Variants in RAB38 observed in about 807,000 individuals in gnomAD.
RAB38 encodes ras-related protein Rab-38.
In RAB38, 15 loss-of-function variants were observed where a neutral mutation model predicts 18.4. The ratio of observed to expected loss-of-function variants is 0.82; its 90% CI spans 0.55 to 1.26. RAB38 has a LOEUF of 1.26. RAB38 is among the 50% of genes most tolerant of loss of function. RAB38 has a pLI of 0.00. For synonymous variants in RAB38, 101 were observed against 104.4 expected (o/e 0.97, Z 0.20); for missense variants, 294 against 267.4 (o/e 1.10, Z -0.69).
At chr11:87,833,933 G>T in the RAB38 span, among the ~76,000 whole-genome samples, 2 of 152,282 alleles carry the variant, frequency 1.3e-5, no homozygotes, top group Admixed American at 6.5e-5. Context: ...TTACTCAGCT[G>T]GCTTTAAGGA....
the RAB38 span, among the ~76,000 whole-genome samples, chr11:87,819,738 A>ATG: frequency 3.3e-3 from 419 of 125,808 alleles, 3 homozygotes; most frequent in African/African-American, 0.013. Flanking sequence ...ATATATGTGT[A>ATG]TATATATATA....
the RAB38 span, among the ~76,000 whole-genome samples, chr11:88,042,268 T>C: frequency 6.6e-6 from 1 of 152,122 alleles, no homozygotes; most frequent in Non-Finnish European, 1.5e-5. Context: ...AGCCCCCACC[T>C]CTCATTTGCT....
chr11:88,099,998 T>C, the RAB38 span: 5 of 151,884 alleles, frequency 3.3e-5, no homozygotes, highest in African/African-American at 1.2e-4. Context: ...GTGTTTAGGC[T>C]GGTCTGAAGG....
At chr11:88,034,715 G>A in the RAB38 span, among the ~76,000 whole-genome samples, 2 of 152,176 alleles carry the variant, frequency 1.3e-5, no homozygotes, top group African/African-American at 4.8e-5. Flanking sequence ...TTACTGTTGA[G>A]TTTCAAGAGT....
the RAB38 span, among the ~76,000 whole-genome samples, chr11:87,890,984 A>G: frequency 6.6e-6 from 1 of 151,854 alleles, no homozygotes; most frequent in Non-Finnish European, 1.5e-5. Context: ...TTCTAAGTAT[A>G]AGGCCATGTG....
the RAB38 span, among the ~76,000 whole-genome samples, chr11:87,820,085 G>C: frequency 2.6e-5 from 4 of 152,146 alleles, no homozygotes; most frequent in African/African-American, 9.7e-5. Flanking sequence ...GAAGTAAGCA[G>C]TTCTCAGATC....
chr11:88,154,439 G>C (rs1379995252), intron 1 of RAB38, among the ~76,000 whole-genome samples: 1 of 152,130 alleles, frequency 6.6e-6, no homozygotes, highest in Non-Finnish European at 1.5e-5. Flanking sequence ...GTTTCTACTG[G>C]GCAGTAATAC....
chr11:88,026,860 T>C, the RAB38 span, among the ~76,000 whole-genome samples: 1 of 152,134 alleles, frequency 6.6e-6, no homozygotes, highest in African/African-American at 2.4e-5. Flanking sequence ...CAGGTGGTTG[T>C]CAAAAATATA....
chr11:88,135,553 G>A (rs1942825953), intron 2 of RAB38, among the ~76,000 whole-genome samples: 1 of 152,124 alleles, frequency 6.6e-6, no homozygotes, highest in South Asian at 2.1e-4. Context: ...GCCACTTTGG[G>A]GGTTAAATAT....
At position 88,113,611 on chromosome 11, in the gene RAB38, A is replaced by G. The variant is rs111474500; in HGVS notation, c.*377T>C. Reference sequence around the variant, plus strand: ...ATACTGAAATCTGGAAAAAGACACCAGGGCAAGGTGAAAGCCAGTCCTTGA... The same window carrying G: ...ATACTGAAATCTGGAAAAAGACACCGGGGCAAGGTGAAAGCCAGTCCTTGA... On this transcript the variant is annotated 3_prime_UTR_variant, in exon 3 of 3. Coordinates refer to ENST00000243662, the MANE Select transcript of RAB38 (RefSeq NM_022337.3). The G allele has an allele frequency of 3.4e-5, 6 of 178,126 alleles. No homozygotes were observed. The highest frequency in any genetic ancestry group is 1.4e-4 in the African/African-American group (6 of 42,490). The allele number at this position is 178,126 out of a possible 1,614,324, so 11.0% of individuals were successfully genotyped here.
the RAB38 span, among the ~76,000 whole-genome samples, chr11:87,850,036 G>A: frequency 1.3e-5 from 2 of 151,848 alleles, no homozygotes; most frequent in East Asian, 3.9e-4. Context: ...ATACCTTATG[G>A]GGCACTTCAC....
chr11:88,060,459 T>G, the RAB38 span, among the ~76,000 whole-genome samples: 1 of 152,198 alleles, frequency 6.6e-6, no homozygotes, highest in Non-Finnish European at 1.5e-5. Flanking sequence ...TAGCTTTATT[T>G]TATATAGAGA....
At chr11:88,069,192 G>T in the RAB38 span, among the ~76,000 whole-genome samples, 19 of 152,216 alleles carry the variant, frequency 1.2e-4, no homozygotes, top group Admixed American at 7.8e-4. Flanking sequence ...CTTAGCACCC[G>T]GGCCAGGAGG....
At chr11:88,153,448 T>A (rs983484302) in intron 1 of RAB38, among the ~76,000 whole-genome samples, 2 of 152,294 alleles carry the variant, frequency 1.3e-5, no homozygotes, top group East Asian at 3.9e-4. Context: ...AACTAACACT[T>A]CTACTTCAGA....
Position 88,113,819 on chromosome 11 carries a change from C to T in RAB38, c.*169G>A. ...AACACTGTGATGATGGTGAGGAAAG[C>T]ATAGAAAGAACATTTGCTATTTCTC... is the stretch of plus-strand genomic sequence containing the variant. On this transcript the variant is annotated 3_prime_UTR_variant, in exon 3 of 3. Coordinates refer to ENST00000243662, the MANE Select transcript of RAB38 (RefSeq NM_022337.3). 1 of 755,068 alleles carries T rather than the reference C, an allele frequency of 1.3e-6. No homozygotes were observed. Among genetic ancestry groups the T allele is most frequent in the Non-Finnish European group, 2.1e-6 (1 of 471,208 alleles). 46.8% of individuals were successfully genotyped at this position (755,068 alleles called of 1,614,324 possible). A position where few individuals can be genotyped will look rare whatever the true frequency, so the allele number is the denominator to read the frequency against.
chr11:87,849,707 G>C, the RAB38 span, among the ~76,000 whole-genome samples: 1 of 152,080 alleles, frequency 6.6e-6, no homozygotes, highest in Non-Finnish European at 1.5e-5. Flanking sequence ...AATAATCATT[G>C]TTTTGCCATC....
the RAB38 span, among the ~76,000 whole-genome samples, chr11:88,067,640 G>C: frequency 1.3e-5 from 2 of 152,112 alleles, no homozygotes; most frequent in African/African-American, 4.8e-5. Context: ...GCAATATAGA[G>C]AAGTTGAGCA....
chr11:87,977,502 T>C, the RAB38 span, among the ~76,000 whole-genome samples: 3 of 92,844 alleles, frequency 3.2e-5, 1 homozygote, highest in Non-Finnish European at 6.2e-5. Flanking sequence ...TATAATTTTA[T>C]ATGATTATGT....
At chr11:87,840,732 T>C in the RAB38 span, among the ~76,000 whole-genome samples, 1 of 152,234 alleles carries the variant, frequency 6.6e-6, no homozygotes, top group South Asian at 2.1e-4. Flanking sequence ...CTGATGAATA[T>C]GGATGTTTCT....
Sources: allele counts gnomAD v4.1 joint callset (sites outside exome capture counted in the v4.1 genomes callset), GRCh38; gene constraint gnomAD v4.1.1; transcripts MANE v1.5; gene names NCBI Gene and HGNC (gene_info 2026-07-23, HGNC 2026-07-21).